The following SKAP1 variants were observed in gnomAD, a reference collection of about 807,000 sequenced individuals.
SKAP1 encodes the protein src kinase-associated phosphoprotein 1.
Under a neutral mutation model 58.5 loss-of-function variants are expected in SKAP1, and 44 were observed. That is an observed-to-expected ratio of 0.75 (90% confidence interval 0.59 to 0.97). The LOEUF (loss-of-function observed/expected upper bound fraction) is 0.97, where lower values mean the gene tolerates loss of function less well. SKAP1 is among the 50% of genes least tolerant of loss of function. SKAP1 has a pLI of 0.00. For synonymous variants in SKAP1, 127 were observed against 149.7 expected (o/e 0.85, Z 1.11); for missense variants, 390 against 435.2 (o/e 0.90, Z 0.92).
chr17:48,197,281 T>C (rs2143582449), intron 4 of SKAP1, among the ~76,000 whole-genome samples: 4 of 142,028 alleles, frequency 2.8e-5, no homozygotes, highest in Admixed American at 2.1e-4. Context: ...AAAAAAATGC[T>C]GATTGGTCAC....
At chr17:48,226,876 C>T (rs1253851859) in intron 4 of SKAP1, among the ~76,000 whole-genome samples, 2 of 152,176 alleles carry the variant, frequency 1.3e-5, no homozygotes, top group Non-Finnish European at 2.9e-5. Context: ...TTGAGACATT[C>T]TTAAACATCT....
At chr17:48,191,665 T>C (rs941601355) in intron 4 of SKAP1, among the ~76,000 whole-genome samples, 2 of 152,244 alleles carry the variant, frequency 1.3e-5, no homozygotes, top group Non-Finnish European at 2.9e-5. Context: ...CAAGCTTAGT[T>C]ATAAAAAGGT....
chr17:48,401,999 A>T (rs1193855314), intron 1 of SKAP1, among the ~76,000 whole-genome samples: 1 of 152,220 alleles, frequency 6.6e-6, no homozygotes, highest in Non-Finnish European at 1.5e-5. Flanking sequence ...AAGATACACA[A>T]ATGACCAATA....
chr17:48,405,429 CTTT>C lies in SKAP1; in HGVS notation c.47-8647_47-8645del, dbSNP rs2067563235. ...TCTTTCTTTCTTTCTTTCTTTCTTT[CTTT>C]CTTTCTTTCTTTCTTTCTTTTCTTT... On this transcript the variant is annotated intron_variant, in intron 1 of 12. Coordinates refer to ENST00000336915, the MANE Select transcript of SKAP1 (RefSeq NM_003726.4). Among the ~76,000 whole-genome samples, 22 of 86,772 alleles carry C rather than the reference CTTT, an allele frequency of 2.5e-4. 1 individual carries two copies. Among genetic ancestry groups the C allele is most frequent in the Admixed American group, 2.5e-3 (19 of 7,724 alleles). The allele number at this position is 86,772 out of a possible 152,430, so 56.9% of individuals were successfully genotyped here. A position where few individuals can be genotyped will look rare whatever the true frequency, so the allele number is the denominator to read the frequency against.
intron 11 of SKAP1, among the ~76,000 whole-genome samples, chr17:48,153,024 G>GAC (rs10537609): frequency 1.6e-3 from 241 of 150,666 alleles, no homozygotes; most frequent in African/African-American, 1.7e-3. Flanking sequence ...TGTGCACATG[G>GAC]ACACACACAC....
chr17:48,200,953 T>C (rs1321061267), intron 4 of SKAP1, among the ~76,000 whole-genome samples: 2 of 152,240 alleles, frequency 1.3e-5, no homozygotes. Context: ...TCTAGCCTAA[T>C]AGGACTTGTG....
intron 10 of SKAP1, among the ~76,000 whole-genome samples, chr17:48,165,039 C>T (rs1256575094): frequency 6.6e-6 from 1 of 152,242 alleles, no homozygotes; most frequent in Non-Finnish European, 1.5e-5. Flanking sequence ...GAGCCCTCCT[C>T]TCAAGGGTAC....
intron 4 of SKAP1, among the ~76,000 whole-genome samples, chr17:48,279,240 G>T (rs1414479313): frequency 6.6e-6 from 1 of 152,118 alleles, no homozygotes; most frequent in Non-Finnish European, 1.5e-5. Context: ...AAAAAGAGAA[G>T]ATCCTCAGGG....
At chr17:48,440,075 T>A in the SKAP1 span, among the ~76,000 whole-genome samples, 1 of 152,154 alleles carries the variant, frequency 6.6e-6, no homozygotes, top group African/African-American at 2.4e-5. Context: ...AGCTGATAGT[T>A]CAGCAATGCG....
intron 2 of SKAP1, among the ~76,000 whole-genome samples, chr17:48,390,763 T>C (rs2067334480): frequency 6.6e-6 from 1 of 152,182 alleles, no homozygotes; most frequent in Admixed American, 6.5e-5. Context: ...GTTTTGCAAG[T>C]GATCTAAAAA....
the SKAP1 span, among the ~76,000 whole-genome samples, chr17:48,443,179 C>T: frequency 2.0e-5 from 3 of 152,212 alleles, no homozygotes; most frequent in Non-Finnish European, 4.4e-5. Flanking sequence ...CTTGGCTCCC[C>T]AGACTGGGTT....
chr17:48,368,747 C>A (rs2067043434), intron 2 of SKAP1, among the ~76,000 whole-genome samples: 1 of 152,142 alleles, frequency 6.6e-6, no homozygotes, highest in African/African-American at 2.4e-5. Flanking sequence ...TAAAAATAAA[C>A]CCATCTTCAC....
At chr17:48,188,915 G>A (rs150462250) in intron 5 of SKAP1, among the ~76,000 whole-genome samples, 2 of 152,160 alleles carry the variant, frequency 1.3e-5, no homozygotes, top group Admixed American at 6.5e-5. Context: ...CAGCAGAATC[G>A]CTTGAACCAG....
At chr17:48,324,503 T>C (rs1425120336) in intron 4 of SKAP1, among the ~76,000 whole-genome samples, 3 of 152,212 alleles carry the variant, frequency 2.0e-5, no homozygotes, top group East Asian at 3.9e-4. Context: ...TTTGCACACA[T>C]ATACATAAGC....
chr17:48,226,366 A>T (rs1237172801), intron 4 of SKAP1, among the ~76,000 whole-genome samples: 1 of 152,020 alleles, frequency 6.6e-6, no homozygotes, highest in Non-Finnish European at 1.5e-5. Context: ...TTCCTTCTTA[A>T]TCATAAATCA....
chr17:48,215,978 T>TA (rs1199966018), intron 4 of SKAP1, among the ~76,000 whole-genome samples: 2 of 152,228 alleles, frequency 1.3e-5, no homozygotes, highest in Non-Finnish European at 2.9e-5. Context: ...CCTCCTCACT[T>TA]AAACAGCTGG....
chr17:48,430,007 G>A (rs1356983569), intron 1 of SKAP1, 68 bp downstream of exon 1: 7 of 1,210,888 alleles, frequency 5.8e-6, no homozygotes, highest in South Asian at 4.0e-5. Flanking sequence ...AAGCCTGGCC[G>A]TGGGAGGCCT....
At chr17:48,201,833 A>G (rs562762834) in intron 4 of SKAP1, among the ~76,000 whole-genome samples, 1 of 152,316 alleles carries the variant, frequency 6.6e-6, no homozygotes, top group Non-Finnish European at 1.5e-5. Flanking sequence ...CAAATGAATA[A>G]CTGATTACTC....
chr17:48,272,223 C>T (rs1336392472), intron 4 of SKAP1, among the ~76,000 whole-genome samples: 1 of 151,304 alleles, frequency 6.6e-6, no homozygotes, highest in Admixed American at 6.6e-5. Context: ...AATCTGTCTA[C>T]TGGGTTCAAG....
Sources: gnomAD v4.1 joint callset for allele counts (sites outside exome capture counted in the v4.1 genomes callset) on GRCh38, gnomAD v4.1.1 for gene constraint, MANE v1.5 for transcripts, NCBI Gene and HGNC (gene_info 2026-07-23, HGNC 2026-07-21) for gene names.